SLC26A2: variants seen among roughly 807,000 people sequenced by gnomAD.
SLC26A2 encodes the protein solute carrier family 26 member 2, also known as sulfate transporter.
A neutral mutation model predicts 41.1 loss-of-function variants in SLC26A2; 36 were observed. The observed-to-expected ratio is 0.88, with a 90% CI of 0.67 to 1.16. SLC26A2 has a LOEUF of 1.16. SLC26A2 is among the 50% of genes most tolerant of loss of function. SLC26A2 has a pLI of 0.00. For synonymous variants in SLC26A2, 291 were observed against 311.6 expected (o/e 0.93, Z 0.70); for missense variants, 796 against 869.6 (o/e 0.92, Z 1.07).
intron 1 of SLC26A2, among the ~76,000 whole-genome samples, chr5:149,971,535 G>A (rs536812361): frequency 2.0e-5 from 3 of 152,240 alleles, no homozygotes; most frequent in South Asian, 4.1e-4. Context: ...GAGTAGCTGG[G>A]ATTACAGGCG....
chr5:149,963,108 A>ATTTATTTAT (rs931997249), intron 1 of SLC26A2, among the ~76,000 whole-genome samples: 12 of 151,038 alleles, frequency 7.9e-5, no homozygotes, highest in Admixed American at 6.6e-5. Context: ...TTATTTATTT[A>ATTTATTTAT]TTTATTTATT....
intron 1 of SLC26A2, among the ~76,000 whole-genome samples, chr5:149,970,322 A>G (rs954836870): frequency 2.0e-5 from 3 of 152,168 alleles, no homozygotes; most frequent in Admixed American, 1.3e-4. Context: ...AGCCTGGGAA[A>G]CATAGCAAGA....
At chr5:149,961,321 G>A (rs543006456) in intron 1 of SLC26A2, among the ~76,000 whole-genome samples, 2 of 152,368 alleles carry the variant, frequency 1.3e-5, no homozygotes, top group Admixed American at 1.3e-4. Flanking sequence ...CTGGAATAGG[G>A]ATCGAGGAGA....
Position 149,985,154 on chromosome 5 carries a change from GAGGGTCAC to G in SLC26A2, c.*3352_*3359del, listed in dbSNP as rs1755178043. ...GAGCAAATTTCTCTTTCTAGAAGGGGAGGGTCACAGGGTCACAGATTCACCAAAGCTGA... is the reference window on the plus strand; with the variant it reads ...GAGCAAATTTCTCTTTCTAGAAGGGGAGGGTCACAGATTCACCAAAGCTGA... On this transcript the variant is annotated 3_prime_UTR_variant, in exon 3 of 3. Coordinates refer to ENST00000286298, the MANE Select transcript of SLC26A2 (RefSeq NM_000112.4). 6.6e-6 allele frequency: 1 copy of G among 152,264 alleles called. No individual in the cohort carries two copies. The highest frequency in any genetic ancestry group is 2.1e-4 in the South Asian group (1 of 4,834). 9.4% of individuals were successfully genotyped at this position (152,264 alleles called of 1,614,324 possible).
In SLC26A2 at chr5:149,980,537, T is replaced by G; in HGVS notation, c.944T>G (p.Leu315Arg). 1 of 1,614,160 alleles carries G rather than the reference T, an allele frequency of 6.2e-7. No homozygotes were observed. Among genetic ancestry groups the G allele is most frequent in the Non-Finnish European group, 8.5e-7 (1 of 1,180,016 alleles). Residue 315 changes from leucine to arginine, a missense_variant, in exon 3 of 3, where the codon CTT becomes CGT. Transcript: ENST00000286298. ...ACCAGCCTTTTGTGCCTTTTGGTTC[T>G]TTTGCCAACCAAAGAACTCAATGAA... Reference protein sequence around the residue: ...LITSLLCLLVLLPTKELNEHF... With the variant: ...LITSLLCLLVRLPTKELNEHF...
Position 149,982,981 on chromosome 5 carries a change from A to C in SLC26A2, c.*1168A>C, listed in dbSNP as rs550406831. ...AAGGTAAGAAAAAACCAGGTTCTCC[A>C]AAGTTAGGAATAGGGAACTAATTTA... On this transcript the variant is annotated 3_prime_UTR_variant, in exon 3 of 3. Coordinates refer to ENST00000286298, the MANE Select transcript of SLC26A2 (RefSeq NM_000112.4). 2.0e-5 allele frequency: 3 copies of C among 152,204 alleles called. No homozygotes were observed. In the East Asian group the frequency reaches 5.8e-4, roughly 29 times the overall value. 9.4% of individuals were successfully genotyped at this position (152,204 alleles called of 1,614,324 possible). A position where few individuals can be genotyped will look rare whatever the true frequency, so the allele number is the denominator to read the frequency against.
At chr5:149,964,070 A>G (rs1754762050) in intron 1 of SLC26A2, among the ~76,000 whole-genome samples, 1 of 152,164 alleles carries the variant, frequency 6.6e-6, no homozygotes, top group Non-Finnish European at 1.5e-5. Flanking sequence ...GCTTATACCA[A>G]TGTTTTTAGA....
chr5:149,980,406 T>G lies in SLC26A2; in HGVS notation c.813T>G (p.Tyr271Ter). The G allele has an allele frequency of 6.2e-7, 1 of 1,614,058 alleles. No individual in the cohort carries two copies. The highest frequency in any genetic ancestry group is 8.5e-7 in the Non-Finnish European group (1 of 1,179,924). ...SFTILTSQAK[Y>*]LLGLNLPRTN... ...CTATTCTTACATCTCAGGCCAAGTA[T>G]CTTCTTGGGCTCAACCTTCCTCGGA... The change falls in exon 3 of 3, where the codon TAT becomes TAG. Residue 271 changes from tyrosine (Y) to a stop codon, truncating the protein, a stop_gained. Coordinates refer to ENST00000286298, the MANE Select transcript of SLC26A2 (RefSeq NM_000112.4). LOFTEE classifies it high-confidence loss of function.
At position 149,986,218 on chromosome 5, in the gene SLC26A2, G is replaced by T. The variant is rs2113703408; in HGVS notation, c.*4405G>T. The T allele has an allele frequency of 6.6e-6, 1 of 152,044 alleles. No individual in the cohort carries two copies. Among genetic ancestry groups the T allele is most frequent in the East Asian group, 1.9e-4 (1 of 5,188 alleles). 9.4% of individuals were successfully genotyped at this position (152,044 alleles called of 1,614,324 possible). ...TAAAATAAAAAGAAAAAATTAAAAA[G>T]AATCAGTTTTTTTAATTAAAAAAAT... On this transcript the variant is annotated 3_prime_UTR_variant, in exon 3 of 3. Coordinates refer to ENST00000286298, the MANE Select transcript of SLC26A2 (RefSeq NM_000112.4).
rs780207230 is a variant in SLC26A2 at position 149,981,440 on chromosome 5, C to T, written c.1847C>T (p.Ala616Val). The change falls in exon 3 of 3, where the codon GCA (alanine) becomes GTA (valine). Residue 616 changes from alanine (A) to valine (V), a missense_variant. Transcript: ENST00000286298. ...PILIKVAWKK[A>V]AKRKIKEKVV... Reference sequence around the variant, plus strand: ...TTAATAAAGGTGGCTTGGAAGAAGGCAGCAAAGAGAAAGATCAAAGAAAAA... The same window carrying T: ...TTAATAAAGGTGGCTTGGAAGAAGGTAGCAAAGAGAAAGATCAAAGAAAAA... 1.5e-5 allele frequency: 24 copies of T among 1,613,926 alleles called. No individual in the cohort carries two copies. The highest frequency in any genetic ancestry group is 2.2e-5 in the East Asian group (1 of 44,896).
At position 149,981,012 on chromosome 5, in the gene SLC26A2, T is replaced by C; in HGVS notation, c.1419T>C (p.Pro473=). ...VLLLVLLVIA[P]LFYSLQKSVL... ...TGTTGGTCCTCCTAGTAATAGCTCC[T>C]TTGTTCTATTCCCTTCAAAAAAGTG... The change falls in exon 3 of 3, where the codon CCT becomes CCC. Residue 473 remains proline (P), a synonymous_variant. Transcript: ENST00000286298. 1 of 1,614,152 alleles carries C rather than the reference T, an allele frequency of 6.2e-7. No homozygotes were observed. Among genetic ancestry groups the C allele is most frequent in the Non-Finnish European group, 8.5e-7 (1 of 1,180,004 alleles).
Position 149,969,870 on chromosome 5 carries a change from A to G in SLC26A2, c.-25-7758A>G, listed in dbSNP as rs959261909. ...CCTACTTCACGTTGGCCTGCAGTGT[A>G]TTCTCCACTCTCAGAATACTCTAAA... On this transcript the variant is annotated intron_variant, in intron 1 of 2. Transcript: ENST00000286298. Among the ~76,000 whole-genome samples the G allele has an allele frequency of 3.9e-5, 6 of 152,104 alleles. No individual in the cohort carries two copies. In the South Asian group the frequency reaches 1.2e-3, roughly 32 times the overall value.
chr5:149,969,528 T>G (rs1226463230), intron 1 of SLC26A2, among the ~76,000 whole-genome samples: 1 of 152,204 alleles, frequency 6.6e-6, no homozygotes, highest in Admixed American at 6.5e-5. Context: ...CATCCTTCCT[T>G]TTGTGTGATC....
intron 2 of SLC26A2, among the ~76,000 whole-genome samples, chr5:149,978,916 C>A (rs1383783175): frequency 1.3e-5 from 2 of 151,366 alleles, no homozygotes; most frequent in Non-Finnish European, 1.5e-5. Context: ...CAGGGTTTTG[C>A]CACGTTGCCC....
Position 149,978,042 on chromosome 5 carries a change from C to T in SLC26A2, c.390C>T (p.Ser130=), listed in dbSNP as rs1304914344. The change falls in exon 2 of 3, where the codon TCC becomes TCT. Residue 130 remains serine (S), a synonymous_variant. Transcript: ENST00000286298. ...TGGTGCCCCAGTCCATTGCTTATTC[C>T]CTGCTGGCTGGCCAAGAACCTGTCT... ...ILLVPQSIAY[S]LLAGQEPVYG... The T allele has an allele frequency of 6.2e-7, 1 of 1,613,574 alleles. No homozygotes were observed. The highest frequency in any genetic ancestry group is 1.7e-5 in the Admixed American group (1 of 59,960).
chr5:149,981,540 A>C lies in SLC26A2; in HGVS notation c.1947A>C (p.Ile649=). 1 of 1,614,136 alleles carries C rather than the reference A, an allele frequency of 6.2e-7. No individual in the cohort carries two copies. The highest frequency in any genetic ancestry group is 1.1e-5 in the South Asian group (1 of 91,080). ...ATGATCCCTTGGAGCTGCATACTAT[A>C]GTGATTGACTGCAGTGCAATTCAAT... ...LSHDPLELHT[I]VIDCSAIQFL... Residue 649 remains isoleucine, a synonymous_variant, in exon 3 of 3, where the codon ATA becomes ATC. Transcript: ENST00000286298.
At chr5:149,962,039 CA>C (rs1437703069) in intron 1 of SLC26A2, 2 of 152,320 alleles carry the variant, frequency 1.3e-5, no homozygotes, top group East Asian at 3.9e-4. Context: ...AAACCATTGC[CA>C]TATGACTGCT....
At position 149,977,979 on chromosome 5, in the gene SLC26A2, AG is replaced by A; in HGVS notation, c.331del (p.Asp111MetfsTer2). 1 of 1,614,222 alleles carries A rather than the reference AG, an allele frequency of 6.2e-7. No homozygotes were observed. Among genetic ancestry groups the A allele is most frequent in the Non-Finnish European group, 8.5e-7 (1 of 1,180,026 alleles). The stretch of plus-strand genomic sequence containing the variant: ...AATACGACCTAAAGAAAAACATTTT[AG>A]GGGATGTGATGTCAGGCTTGATTGT... ...PKYDLKKNIL[G>X]DVMSGLIVGI... is the part of the protein sequence containing the mutation. On this transcript the variant is annotated frameshift_variant, in exon 2 of 3. Coordinates refer to ENST00000286298, the MANE Select transcript of SLC26A2 (RefSeq NM_000112.4). LOFTEE classifies it high-confidence loss of function.
intron 1 of SLC26A2, among the ~76,000 whole-genome samples, chr5:149,965,355 C>T (rs922946577): frequency 6.6e-6 from 1 of 151,894 alleles, no homozygotes; most frequent in Non-Finnish European, 1.5e-5. Flanking sequence ...TGGCAGGCGC[C>T]TGTAGTCCCA....
Sources: gnomAD v4.1 joint callset for allele counts (sites outside exome capture counted in the v4.1 genomes callset) on GRCh38, gnomAD v4.1.1 for gene constraint, MANE v1.5 for transcripts, NCBI Gene and HGNC (gene_info 2026-07-23, HGNC 2026-07-21) for gene names.